The following NAV2 variants were observed in gnomAD, a reference collection of about 807,000 sequenced individuals.
NAV2 encodes helicase, APC down-regulated 1.
In NAV2, 54 loss-of-function variants were observed where a neutral mutation model predicts 223.2. The observed-to-expected ratio is 0.24, with a 90% confidence interval of 0.19 to 0.30. NAV2 has a LOEUF of 0.30. NAV2 is among the 10% of genes least tolerant of loss of function. The pLI, the probability that NAV2 is intolerant of heterozygous loss-of-function variation, is 1.00. For synonymous variants in NAV2, 1,279 were observed against 1,239.3 expected, an observed-to-expected ratio of 1.03 and a Z score of -0.67; for missense variants, 2,806 against 3,147.5, an observed-to-expected ratio of 0.89 and a Z score of 2.60.
chr11:20,099,875 A>G (rs1179646720), intron 31 of NAV2, among the ~76,000 whole-genome samples: 1 of 152,164 alleles, frequency 6.6e-6, no homozygotes, highest in Non-Finnish European at 1.5e-5. Flanking sequence ...CCTACACTCC[A>G]TACTTTGCAT....
chr11:19,802,537 T>A (rs1264713162), intron 1 of NAV2, among the ~76,000 whole-genome samples: 22 of 152,060 alleles, frequency 1.4e-4, no homozygotes, highest in Non-Finnish European at 5.9e-5. Flanking sequence ...TGGTTTTGGA[T>A]GAGTTATTAT....
chr11:19,477,145 T>TA (rs1797359874), intron 1 of NAV2, among the ~76,000 whole-genome samples: 1 of 152,150 alleles, frequency 6.6e-6, no homozygotes, highest in Non-Finnish European at 1.5e-5. Flanking sequence ...CTTCCCAAGG[T>TA]AAAGTCAGGT....
chr11:19,375,289 T>G (rs1290822907), intron 1 of NAV2, among the ~76,000 whole-genome samples: 3 of 152,226 alleles, frequency 2.0e-5, no homozygotes, highest in African/African-American at 7.2e-5. Context: ...GCAGAAGCAC[T>G]GTTTCCCTGC....
At chr11:19,408,824 T>G (rs58618862) in intron 1 of NAV2, among the ~76,000 whole-genome samples, 42,516 of 150,206 alleles carry the variant, frequency 0.28, 6,062 homozygotes, top group Non-Finnish European at 0.31. Flanking sequence ...TCTGGCGGGG[T>G]GGGGGGATGT....
rs2063408765 is a variant in NAV2, at chr11:20,120,340, G to A, written c.*2082G>A. The A allele has an allele frequency of 6.6e-6, 1 of 152,260 alleles. No individual in the cohort carries two copies. Among genetic ancestry groups the A allele is most frequent in the South Asian group, 2.1e-4 (1 of 4,802 alleles). 9.4% of individuals were successfully genotyped at this position (152,260 alleles called of 1,614,324 possible). On this transcript the variant is annotated 3_prime_UTR_variant, in exon 38 of 38. Coordinates refer to ENST00000349880, the MANE Select transcript of NAV2 (RefSeq NM_145117.5). The stretch of plus-strand genomic sequence containing the variant: ...CTGCTTAGCCTTCATTAGTCATCTG[G>A]GTGTGAGTGTGTCTTGTTCTGTTTT...
intron 4 of NAV2, among the ~76,000 whole-genome samples, chr11:19,869,271 CTGAT>C (rs2062302913): frequency 6.6e-6 from 1 of 152,142 alleles, no homozygotes; most frequent in East Asian, 1.9e-4. Context: ...TTAAACAATG[CTGAT>C]TTGATTCACC....
chr11:19,645,048 A>G (rs1248358457), intron 1 of NAV2, among the ~76,000 whole-genome samples: 1 of 152,230 alleles, frequency 6.6e-6, no homozygotes, highest in Non-Finnish European at 1.5e-5. Context: ...GCTTAAAACA[A>G]CGCAAGCCTA....
chr11:19,845,237 G>A (rs34317211), intron 3 of NAV2, among the ~76,000 whole-genome samples: 30 of 152,200 alleles, frequency 2.0e-4, no homozygotes, highest in Non-Finnish European at 3.5e-4. Flanking sequence ...CATAGGGTGT[G>A]AGCCACCATT....
At chr11:19,450,877 GCC>G (rs1378230628) in intron 1 of NAV2, among the ~76,000 whole-genome samples, 7 of 152,162 alleles carry the variant, frequency 4.6e-5, no homozygotes, top group African/African-American at 1.7e-4. Flanking sequence ...CCTCATTGAA[GCC>G]ACCTGTGCAT....
At chr11:19,914,323 G>T (rs1352225140) in intron 6 of NAV2, among the ~76,000 whole-genome samples, 1 of 152,054 alleles carries the variant, frequency 6.6e-6, no homozygotes. Context: ...CACTATTTTT[G>T]CCTAGTCTGT....
At chr11:20,020,060 A>G (rs2054366876) in intron 11 of NAV2, among the ~76,000 whole-genome samples, 1 of 152,192 alleles carries the variant, frequency 6.6e-6, no homozygotes, top group South Asian at 2.1e-4. Context: ...CCTGCAGGGA[A>G]AAGCCAGGAA....
chr11:19,576,275 C>G (rs1451525370), intron 1 of NAV2, among the ~76,000 whole-genome samples: 1 of 152,218 alleles, frequency 6.6e-6, no homozygotes, highest in African/African-American at 2.4e-5. Context: ...AACCTGTTTT[C>G]AAGCTACTTC....
intron 1 of NAV2, among the ~76,000 whole-genome samples, chr11:19,601,358 T>C (rs917759224): frequency 1.4e-4 from 22 of 152,024 alleles, no homozygotes; most frequent in Non-Finnish European, 2.9e-4. Flanking sequence ...TTCTACAATT[T>C]CTCCTTCCCT....
intron 1 of NAV2, among the ~76,000 whole-genome samples, chr11:19,410,721 C>T (rs1183626711): frequency 6.6e-6 from 1 of 152,190 alleles, no homozygotes; most frequent in East Asian, 1.9e-4. Flanking sequence ...GTGTGTCCTT[C>T]ATGACATTCA....
intron 1 of NAV2, among the ~76,000 whole-genome samples, chr11:19,636,695 C>A (rs1326165442): frequency 6.6e-6 from 1 of 152,158 alleles, no homozygotes; most frequent in Non-Finnish European, 1.5e-5. Context: ...TGGTCTTGAT[C>A]TCCTGACCTT....
chr11:19,826,642 A>G (rs905590169), intron 1 of NAV2, among the ~76,000 whole-genome samples: 4 of 152,198 alleles, frequency 2.6e-5, no homozygotes, highest in African/African-American at 7.2e-5. Context: ...TCACTTCAAA[A>G]AGTTGAGAGC....
At chr11:19,503,095 A>G (rs2043010497) in intron 1 of NAV2, 2 of 151,972 alleles carry the variant, frequency 1.3e-5, no homozygotes, top group Admixed American at 1.3e-4. Context: ...CATGGTCTTG[A>G]TTAAATTGAT....
chr11:19,985,559 G>GGT (rs1555180300), intron 11 of NAV2, among the ~76,000 whole-genome samples: 60 of 125,542 alleles, frequency 4.8e-4, no homozygotes, highest in Non-Finnish European at 7.6e-4. Context: ...AGTTTTTTTT[G>GGT]TTTTTTTGTT....
At chr11:19,621,614 T>G (rs1240901805) in intron 1 of NAV2, among the ~76,000 whole-genome samples, 1 of 152,234 alleles carries the variant, frequency 6.6e-6, no homozygotes, top group Non-Finnish European at 1.5e-5. Flanking sequence ...CCCTTTATCA[T>G]TTTTTATTGC....
Sources: gnomAD v4.1 joint callset for allele counts (sites outside exome capture counted in the v4.1 genomes callset) on GRCh38, gnomAD v4.1.1 for gene constraint, MANE v1.5 for transcripts, NCBI Gene and HGNC (gene_info 2026-07-23, HGNC 2026-07-21) for gene names.